The following DOCK10 variants were observed in gnomAD, a reference collection of about 807,000 sequenced individuals.
The protein encoded by DOCK10 is dedicator of cytokinesis 10, also known as dedicator of cytokinesis protein 10.
Under a neutral mutation model 280.1 loss-of-function variants are expected in DOCK10, and 145 were observed. The ratio of observed to expected loss-of-function variants is 0.52; its 90% CI spans 0.45 to 0.59. DOCK10 has a LOEUF of 0.59. DOCK10 is among the 20% of genes least tolerant of loss of function. The pLI is 0.00. For missense variants in DOCK10, 2,368 were observed against 2,651.7 expected (o/e 0.89, Z 2.35); for synonymous variants, 915 against 942.2 (o/e 0.97, Z 0.53).
Position 225,014,089 on chromosome 2 carries a change from T to TG in DOCK10, c.123+28162_123+28163insC, listed in dbSNP as rs1474652032. ...CCCAGAAGTCTGAATATATTGTTTT[T>TG]TTTTTTTTGTTTTTTTTTTTAAGAA... is the stretch of plus-strand genomic sequence containing the variant. On this transcript the variant is annotated intron_variant, in intron 1 of 55. Coordinates refer to ENST00000258390, the MANE Select transcript of DOCK10 (RefSeq NM_014689.3). 4.7e-3 allele frequency among the ~76,000 whole-genome samples: 455 copies of TG among 96,506 alleles called. 3 individuals are homozygous for TG. The highest frequency in any genetic ancestry group is 0.026 in the African/African-American group (440 of 17,194). The allele number at this position is 96,506 out of a possible 152,430, so 63.3% of individuals were successfully genotyped here. A position where few individuals can be genotyped will look rare whatever the true frequency, so the allele number is the denominator to read the frequency against.
In DOCK10 at chr2:225,039,634, T is replaced by G. The variant is rs553500482; in HGVS notation, c.123+2618A>C. ...TCCCAGTCATTACCCTCACTCAGCA[T>G]CTCCTTGATCTCTCCTCTCCATATT... On this transcript the variant is annotated intron_variant, in intron 1 of 55. Coordinates refer to ENST00000258390, the MANE Select transcript of DOCK10 (RefSeq NM_014689.3). 2.6e-5 allele frequency among the ~76,000 whole-genome samples: 4 copies of G among 152,260 alleles called. No homozygotes were observed. The South Asian group carries it at 8.3e-4, about 32-fold the overall frequency.
intron 1 of DOCK10, among the ~76,000 whole-genome samples, chr2:225,011,934 A>T (rs1689450769): frequency 6.6e-6 from 1 of 152,190 alleles, no homozygotes; most frequent in African/African-American, 2.4e-5. Context: ...ACGCAACTGA[A>T]TTAAAAACGA....
chr2:224,790,214 C>T (rs1692073890), intron 47 of DOCK10, among the ~76,000 whole-genome samples: 1 of 152,128 alleles, frequency 6.6e-6, no homozygotes, highest in African/African-American at 2.4e-5. Context: ...GGTAACATTC[C>T]CAGAGGAGAG....
At chr2:225,035,572 A>ATTATGATATATATATATATATATATAT (rs397869895) in intron 1 of DOCK10, among the ~76,000 whole-genome samples, 1 of 69,956 alleles carries the variant, frequency 1.4e-5, no homozygotes, top group Non-Finnish European at 2.9e-5. Flanking sequence ...ATATATATAT[A>ATTATGATATATATATATATATATATAT]TATATATATA....
intron 1 of DOCK10, among the ~76,000 whole-genome samples, chr2:224,961,474 T>TTCTTTCTTTC (rs1704441221): frequency 6.9e-6 from 1 of 145,938 alleles, no homozygotes; most frequent in Non-Finnish European, 1.5e-5. Context: ...TTCTTTTTCT[T>TTCTTTCTTTC]TCTTTCTTTC....
rs1694366157 is a variant in DOCK10, at chr2:224,819,526, A to T, written c.3187T>A (p.Cys1063Ser). Residue 1063 changes from cysteine (C) to serine (S), a missense_variant, in exon 29 of 56, where the codon TGC becomes AGC. Physicochemically the swap from Cys to Ser is moderately radical, Grantham distance 112. Coordinates refer to ENST00000258390, the MANE Select transcript of DOCK10 (RefSeq NM_014689.3). ...TACCCTCGGTCCATAAATGTAAAGCAGCGCTAAAATAGATAAAATTCTAAA... is the reference window on the plus strand; with the variant it reads ...TACCCTCGGTCCATAAATGTAAAGCTGCGCTAAAATAGATAAAATTCTAAA... ...NHSVARFLKR[C>S]FTFMDRGYVF... The T allele has an allele frequency of 1.3e-6, 2 of 1,599,500 alleles. No individual in the cohort carries two copies. Among genetic ancestry groups the T allele is most frequent in the African/African-American group, 1.3e-5 (1 of 74,494 alleles).
rs775447322 is a variant in DOCK10, at chr2:224,886,200, T to G, written c.490-15A>C. 9 of 1,613,524 alleles carry G rather than the reference T, an allele frequency of 5.6e-6. No homozygotes were observed. Among genetic ancestry groups the G allele is most frequent in the Admixed American group, 1.7e-5 (1 of 59,976 alleles). On this transcript the variant is annotated splice_polypyrimidine_tract_variant and intron_variant, in intron 5 of 55. Coordinates refer to ENST00000258390, the MANE Select transcript of DOCK10 (RefSeq NM_014689.3). ...GAAGTGGTATCCTGTAGGAAAGGCA[T>G]AGTAGCATGACAGCCATCTTTTGTG... is the stretch of plus-strand genomic sequence containing the variant.
intron 14 of DOCK10, chr2:224,861,764 A>G (rs541501206): frequency 6.6e-6 from 1 of 152,250 alleles, no homozygotes; most frequent in African/African-American, 2.4e-5. Context: ...CACCTGGCTA[A>G]TTTTTGTATT....
chr2:224,797,736 C>T, intron 42 of DOCK10, 96 bp downstream of exon 42: 1 of 1,378,916 alleles, frequency 7.3e-7, no homozygotes, highest in Admixed American at 2.4e-5. Flanking sequence ...TCCTTCTTCC[C>T]TCCCTACTGA....
At chr2:224,867,734 C>G (rs565072769) in intron 11 of DOCK10, among the ~76,000 whole-genome samples, 21 of 152,136 alleles carry the variant, frequency 1.4e-4, no homozygotes, top group African/African-American at 4.8e-4. Context: ...TGGTAGGAAG[C>G]GTTTGTGGGA....
intron 2 of DOCK10, among the ~76,000 whole-genome samples, chr2:224,922,337 C>A (rs79011748): frequency 0.017 from 2,578 of 152,216 alleles, 39 homozygotes; most frequent in Non-Finnish European, 0.024. Flanking sequence ...TGCTTTCAGA[C>A]CACTACAAAT....
In DOCK10 at chr2:225,028,043, T is replaced by TA. The variant is rs1461195774; in HGVS notation, c.123+14208dup. 4.6e-5 allele frequency among the ~76,000 whole-genome samples: 7 copies of TA among 152,318 alleles called. No individual in the cohort carries two copies. In the South Asian group the frequency reaches 1.5e-3, roughly 32 times the overall value. The stretch of plus-strand genomic sequence containing the variant: ...TTTTAATGCACTTTCTGAGCATTTT[T>TA]ATAATAGGCCCCACAAAGATGTCCA... On this transcript the variant is annotated intron_variant, in intron 1 of 55. Transcript: ENST00000258390.
chr2:224,869,342 G>A (rs1440515435), intron 11 of DOCK10, among the ~76,000 whole-genome samples: 2 of 152,142 alleles, frequency 1.3e-5, no homozygotes, highest in Non-Finnish European at 2.9e-5. Flanking sequence ...TGTTATTTCA[G>A]GGAGTCTTCA....
At chr2:225,037,442 A>T (rs1690291243) in intron 1 of DOCK10, among the ~76,000 whole-genome samples, 1 of 152,126 alleles carries the variant, frequency 6.6e-6, no homozygotes, top group South Asian at 2.1e-4. Flanking sequence ...TCAAAAGGCA[A>T]CACCAATCAA....
intron 1 of DOCK10, among the ~76,000 whole-genome samples, chr2:225,030,010 G>A (rs1690032742): frequency 2.0e-5 from 3 of 151,874 alleles, no homozygotes; most frequent in Admixed American, 1.3e-4. Context: ...ACCAGGTGTG[G>A]TGGCACACAC....
At chr2:224,816,800 A>G in intron 29 of DOCK10, 87 bp from the exon 30 acceptor site, 1 of 737,496 alleles carries the variant, frequency 1.4e-6, no homozygotes, top group Non-Finnish European at 2.3e-6. Flanking sequence ...CTTGAATCTT[A>G]TCCCTAAAAA....
intron 51 of DOCK10, among the ~76,000 whole-genome samples, chr2:224,775,976 G>T (rs1351308378): frequency 6.6e-6 from 1 of 151,684 alleles, no homozygotes; most frequent in African/African-American, 2.4e-5. Context: ...TTAAGGTCAG[G>T]TTCCTTCTCT....
rs952238443 is a variant in DOCK10 at position 224,930,216 on chromosome 2, A to G, written c.243+1333T>C. 1.6e-4 allele frequency among the ~76,000 whole-genome samples: 23 copies of G among 146,238 alleles called. No homozygotes were observed. The Middle Eastern group carries it at 0.011, about 69-fold the overall frequency. On this transcript the variant is annotated intron_variant, in intron 2 of 55. Coordinates refer to ENST00000258390, the MANE Select transcript of DOCK10 (RefSeq NM_014689.3). Reference sequence around the variant, plus strand: ...GACACTCGGTAAAAAAAAAAAAAAAAAAAGAAAGAAAGAAGAAAGAAAGAA... The same window carrying G: ...GACACTCGGTAAAAAAAAAAAAAAAGAAAGAAAGAAAGAAGAAAGAAAGAA...
At chr2:224,965,744 TA>T (rs1472184474) in intron 1 of DOCK10, among the ~76,000 whole-genome samples, 1 of 152,196 alleles carries the variant, frequency 6.6e-6, no homozygotes, top group African/African-American at 2.4e-5. Context: ...CCATATAGCA[TA>T]AAATACTGGT....
Sources: allele counts gnomAD v4.1 joint callset (sites outside exome capture counted in the v4.1 genomes callset), GRCh38; gene constraint gnomAD v4.1.1; transcripts MANE v1.5; gene names NCBI Gene and HGNC (gene_info 2026-07-23, HGNC 2026-07-21).